The following MCCC1 variants were observed in gnomAD, a reference collection of about 807,000 sequenced individuals.
MCCC1 encodes methylcrotonyl-CoA carboxylase subunit 1.
MCCC1 carries 64 observed loss-of-function variants against 83.8 expected under a neutral mutation model. The observed-to-expected ratio is 0.76, with a 90% confidence interval of 0.62 to 0.94. MCCC1 has a LOEUF of 0.94. Among genes scored for constraint, MCCC1 ranks in the 40% least tolerant of loss-of-function variants. The pLI is 0.00. For missense variants in MCCC1, 807 were observed against 904.7 expected (o/e 0.89, Z 1.39); for synonymous variants, 322 against 315.4 (o/e 1.02, Z -0.22).
In MCCC1 at chr3:183,017,423, T is replaced by A. The variant is rs2292056; in HGVS notation, c.1978-86A>T. The A allele has an allele frequency of 2.8e-5, 33 of 1,175,442 alleles. No homozygotes were observed. The Admixed American group carries it at 5.5e-4, about 20-fold the overall frequency. The allele number at this position is 1,175,442 out of a possible 1,614,324, so 72.8% of individuals were successfully genotyped here. ...TGCTTCATTATAGTAACCATTTTAC[T>A]GTCTATATATACTCATAACATCATG... On this transcript the variant is annotated intron_variant, in intron 17 of 18. Transcript: ENST00000265594.
At chr3:183,039,183 A>G in intron 11 of MCCC1, 48 bp from the exon 12 acceptor site, 2 of 1,527,510 alleles carry the variant, frequency 1.3e-6, no homozygotes, top group African/African-American at 1.4e-5. Flanking sequence ...ACACGAAGGA[A>G]TAAAATACAA....
chr3:183,016,544 G>C (rs915034699), intron 18 of MCCC1, among the ~76,000 whole-genome samples: 1 of 152,152 alleles, frequency 6.6e-6, no homozygotes, highest in African/African-American at 2.4e-5. Context: ...CAAAAGTATT[G>C]ATCCTTGGGC....
chr3:183,102,171 C>G (rs1443555729), upstream of MCCC1, among the ~76,000 whole-genome samples: 1 of 152,068 alleles, frequency 6.6e-6, no homozygotes, highest in Non-Finnish European at 1.5e-5. Flanking sequence ...TGAGACCAGC[C>G]TGGGCAATAT....
chr3:183,099,542 G>T (rs543130921), upstream of MCCC1: 234 of 1,371,616 alleles, frequency 1.7e-4, 1 homozygote, highest in South Asian at 2.8e-3. Flanking sequence ...ACCCCCGCCG[G>T]CCACCGTCGG....
chr3:183,041,332 G>A (rs1042733383), intron 11 of MCCC1, among the ~76,000 whole-genome samples: 4 of 152,108 alleles, frequency 2.6e-5, no homozygotes, highest in Non-Finnish European at 5.9e-5. Context: ...GGTTAGGTTT[G>A]ACCAAGTACT....
intron 4 of MCCC1, 21 bp downstream of exon 4, chr3:183,086,672 A>G (rs1355058348): frequency 6.2e-7 from 1 of 1,609,770 alleles, no homozygotes; most frequent in Non-Finnish European, 8.5e-7. Context: ...TTTGCACTGC[A>G]AATCTCTTCA....
intron 2 of MCCC1, among the ~76,000 whole-genome samples, chr3:183,092,919 G>A (rs1718473298): frequency 6.6e-6 from 1 of 152,104 alleles, no homozygotes; most frequent in African/African-American, 2.4e-5. Context: ...TTGAGACAGT[G>A]TTTTGCTCTC....
At chr3:183,101,647 G>A (rs1260990782), upstream of MCCC1, among the ~76,000 whole-genome samples, 1 of 152,206 alleles carries the variant, frequency 6.6e-6, no homozygotes, top group Non-Finnish European at 1.5e-5. Context: ...GGATGTGGGT[G>A]GGGCCAGATA....
intron 4 of MCCC1, among the ~76,000 whole-genome samples, chr3:183,083,640 C>T (rs1717680566): frequency 6.6e-6 from 1 of 152,124 alleles, no homozygotes; most frequent in Non-Finnish European, 1.5e-5. Context: ...TAGGTACAAG[C>T]TTGATAAAGT....
chr3:183,041,514 T>C, intron 11 of MCCC1, 53 bp downstream of exon 11: 5 of 1,583,798 alleles, frequency 3.2e-6, no homozygotes, highest in Non-Finnish European at 4.3e-6. Flanking sequence ...CCAAAAACAA[T>C]AATGTACTAA....
At chr3:183,086,228 A>C (rs1418448180) in intron 4 of MCCC1, among the ~76,000 whole-genome samples, 3 of 152,162 alleles carry the variant, frequency 2.0e-5, no homozygotes, top group Non-Finnish European at 2.9e-5. Context: ...TCCCTTGAAC[A>C]CCAAGCTTGT....
rs140488339 is a variant in MCCC1, at chr3:183,036,315, G to C, written c.1594+903C>G. On this transcript the variant is annotated intron_variant, in intron 13 of 18. Transcript: ENST00000265594. ...TCTCTAGGTAGACATTCAATCACAGGATGGAAAAAGCGGAAGTAATTCGAC... is the reference window on the plus strand; with the variant it reads ...TCTCTAGGTAGACATTCAATCACAGCATGGAAAAAGCGGAAGTAATTCGAC... Among the ~76,000 whole-genome samples, 374 of 152,112 alleles carry C rather than the reference G, an allele frequency of 2.5e-3. 5 individuals carry two copies. The highest frequency in any genetic ancestry group is 8.5e-3 in the African/African-American group (353 of 41,484).
At chr3:183,085,410 G>A (rs904158837) in intron 4 of MCCC1, among the ~76,000 whole-genome samples, 4 of 151,878 alleles carry the variant, frequency 2.6e-5, no homozygotes, top group South Asian at 2.1e-4. Flanking sequence ...CAGGCAGATC[G>A]CTTGAGCCTA....
intron 4 of MCCC1, among the ~76,000 whole-genome samples, chr3:183,085,632 A>T (rs1717839867): frequency 2.6e-4 from 1 of 3,868 alleles, no homozygotes; most frequent in African/African-American, 3.5e-4. Flanking sequence ...CCTGTCTTTA[A>T]AAAAAAAAAA....
chr3:183,076,911 C>G (rs1051199335), intron 4 of MCCC1, among the ~76,000 whole-genome samples: 11 of 152,156 alleles, frequency 7.2e-5, no homozygotes, highest in African/African-American at 2.4e-4. Context: ...ACCCCCAGCC[C>G]TAGGCAACTG....
intron 8 of MCCC1, among the ~76,000 whole-genome samples, chr3:183,053,158 T>C (rs745624039): frequency 2.6e-5 from 4 of 152,120 alleles, no homozygotes; most frequent in Non-Finnish European, 4.4e-5. Flanking sequence ...GTGTCTTCAT[T>C]TTTAACAGAA....
At chr3:183,026,659 G>A (rs1378884188) in intron 14 of MCCC1, among the ~76,000 whole-genome samples, 1 of 152,108 alleles carries the variant, frequency 6.6e-6, no homozygotes, top group Admixed American at 6.5e-5. Context: ...GCAGTGAGCT[G>A]AGATCGCACC....
At chr3:183,071,547 T>C (rs1716692460) in intron 5 of MCCC1, among the ~76,000 whole-genome samples, 190 bp from the exon 6 acceptor site, 1 of 152,242 alleles carries the variant, frequency 6.6e-6, no homozygotes, top group African/African-American at 2.4e-5. Context: ...TGGTAGCTCA[T>C]CTCACCCTAT....
chr3:183,097,216 C>T (rs920274726), intron 1 of MCCC1, among the ~76,000 whole-genome samples: 4 of 151,920 alleles, frequency 2.6e-5, no homozygotes, highest in East Asian at 1.9e-4. Context: ...GTCCGCAGTC[C>T]GGCCTGGGCG....
Sources: allele counts gnomAD v4.1 joint callset (sites outside exome capture counted in the v4.1 genomes callset), GRCh38; gene constraint gnomAD v4.1.1; transcripts MANE v1.5; gene names NCBI Gene and HGNC (gene_info 2026-07-23, HGNC 2026-07-21).